The following SGCZ variants were observed in gnomAD, a reference collection of about 807,000 sequenced individuals.
The protein encoded by SGCZ is zeta-sarcoglycan.
SGCZ carries 40 observed loss-of-function variants against 41.3 expected under a neutral mutation model. That is an observed-to-expected ratio of 0.97 (90% CI 0.75 to 1.26). The LOEUF is 1.26. Among genes scored for constraint, SGCZ ranks in the 50% most tolerant of loss-of-function variants. SGCZ has a pLI of 0.00. For missense variants in SGCZ, 552 were observed against 369.8 expected, an observed-to-expected ratio of 1.49 and a Z score of -4.04; for synonymous variants, 206 against 137.5, an observed-to-expected ratio of 1.50 and a Z score of -3.49.
intron 1 of SGCZ, among the ~76,000 whole-genome samples, chr8:14,697,686 C>G (rs1261597890): frequency 6.6e-6 from 1 of 151,828 alleles, no homozygotes; most frequent in Non-Finnish European, 1.5e-5. Context: ...TTCTCATTGC[C>G]AATTATCTTC....
At chr8:15,146,904 GA>G (rs1424588005) in intron 1 of SGCZ, among the ~76,000 whole-genome samples, 1 of 152,040 alleles carries the variant, frequency 6.6e-6, no homozygotes, top group Non-Finnish European at 1.5e-5. Flanking sequence ...CAACTTAAAA[GA>G]AATTCAATTA....
At chr8:14,185,333 G>T (rs974720728) in intron 4 of SGCZ, among the ~76,000 whole-genome samples, 1 of 152,064 alleles carries the variant, frequency 6.6e-6, no homozygotes, top group African/African-American at 2.4e-5. Flanking sequence ...AACCAGGGAG[G>T]CGTAGGTTGC....
chr8:14,337,565 C>A (rs1802547870), intron 2 of SGCZ, among the ~76,000 whole-genome samples: 1 of 152,062 alleles, frequency 6.6e-6, no homozygotes, highest in African/African-American at 2.4e-5. Context: ...CCAGTTAAGT[C>A]AGGTTAAAAT....
At chr8:14,905,265 A>G (rs942567949) in intron 1 of SGCZ, among the ~76,000 whole-genome samples, 7 of 152,094 alleles carry the variant, frequency 4.6e-5, no homozygotes, top group African/African-American at 1.7e-4. Context: ...AAAAATAGAC[A>G]AAAGCTATAA....
At chr8:14,377,845 C>T (rs1007582795) in intron 2 of SGCZ, among the ~76,000 whole-genome samples, 1 of 151,878 alleles carries the variant, frequency 6.6e-6, no homozygotes, top group Non-Finnish European at 1.5e-5. Context: ...CATGTCCCTA[C>T]AAAGGACATG....
At chr8:14,328,875 C>T (rs764368502) in intron 2 of SGCZ, among the ~76,000 whole-genome samples, 7 of 152,170 alleles carry the variant, frequency 4.6e-5, no homozygotes, top group Non-Finnish European at 7.3e-5. Context: ...AAGCTTCACG[C>T]AGTGTTTCGA....
chr8:15,184,754 G>A (rs1800285273), intron 1 of SGCZ, among the ~76,000 whole-genome samples: 1 of 152,138 alleles, frequency 6.6e-6, no homozygotes. Context: ...TTATTAAAGT[G>A]TCAGGCTTTG....
At chr8:14,120,401 T>A (rs1462963435) in intron 5 of SGCZ, among the ~76,000 whole-genome samples, 1 of 152,122 alleles carries the variant, frequency 6.6e-6, no homozygotes, top group Non-Finnish European at 1.5e-5. Context: ...ATAACCTCTA[T>A]CAACATCAAA....
intron 4 of SGCZ, among the ~76,000 whole-genome samples, chr8:14,167,819 C>T (rs530137020): frequency 4.6e-5 from 7 of 152,272 alleles, no homozygotes; most frequent in Non-Finnish European, 7.4e-5. Context: ...TCTTAATCAA[C>T]AGCCAAAGTC....
chr8:14,858,253 A>C lies in SGCZ; in HGVS notation c.40-303327T>G, dbSNP rs918622463. On this transcript the variant is annotated intron_variant, in intron 1 of 7. Coordinates refer to ENST00000382080, the MANE Select transcript of SGCZ (RefSeq NM_139167.4). ...AGAAATTAAGATAAATTATTTAAAT[A>C]TTAATTAATTTGCTTCACAATAATG... Among the ~76,000 whole-genome samples, 8 of 151,984 alleles carry C rather than the reference A, an allele frequency of 5.3e-5. No individual in the cohort carries two copies. The East Asian group carries it at 1.5e-3, about 29-fold the overall frequency.
chr8:14,926,695 C>G (rs1170234421), intron 1 of SGCZ, among the ~76,000 whole-genome samples: 3 of 151,912 alleles, frequency 2.0e-5, no homozygotes, highest in Non-Finnish European at 2.9e-5. Flanking sequence ...GACTGGAGTG[C>G]AGTGGCATGA....
At chr8:15,212,014 G>A (rs570141274) in intron 1 of SGCZ, among the ~76,000 whole-genome samples, 76 of 152,244 alleles carry the variant, frequency 5.0e-4, no homozygotes, top group Non-Finnish European at 9.6e-4. Context: ...AAGGTTTTGA[G>A]TGTCTACATT....
At chr8:14,464,041 T>C (rs1408778383) in intron 2 of SGCZ, among the ~76,000 whole-genome samples, 1 of 151,704 alleles carries the variant, frequency 6.6e-6, no homozygotes, top group East Asian at 1.9e-4. Context: ...TTGTGGAGCT[T>C]TGTATCAATG....
chr8:14,221,751 C>A (rs912620022), intron 4 of SGCZ, among the ~76,000 whole-genome samples: 1 of 152,056 alleles, frequency 6.6e-6, no homozygotes, highest in Admixed American at 6.6e-5. Flanking sequence ...GCCTGGCCAA[C>A]ATGGTGAAAC....
At chr8:14,922,490 T>C (rs989279558) in intron 1 of SGCZ, among the ~76,000 whole-genome samples, 1 of 152,164 alleles carries the variant, frequency 6.6e-6, no homozygotes, top group Non-Finnish European at 1.5e-5. Flanking sequence ...GTTTCGCTCT[T>C]GTTGCCCAGG....
At chr8:14,830,036 G>A (rs1262297761) in intron 1 of SGCZ, among the ~76,000 whole-genome samples, 1 of 151,982 alleles carries the variant, frequency 6.6e-6, no homozygotes, top group East Asian at 1.9e-4. Flanking sequence ...GGTCTCGATC[G>A]CCTGACCTCG....
chr8:14,299,975 C>A (rs922408138), intron 3 of SGCZ, among the ~76,000 whole-genome samples: 7 of 151,760 alleles, frequency 4.6e-5, no homozygotes, highest in Admixed American at 4.6e-4. Flanking sequence ...ATAAAAAATG[C>A]AAGAATATAC....
intron 5 of SGCZ, among the ~76,000 whole-genome samples, chr8:14,147,902 T>C (rs1803577064): frequency 1.3e-5 from 2 of 152,156 alleles, no homozygotes; most frequent in South Asian, 4.1e-4. Flanking sequence ...ATAAGAGGAA[T>C]TTTGCGAACT....
chr8:15,016,900 G>C (rs1324084048), intron 1 of SGCZ, among the ~76,000 whole-genome samples: 1 of 152,020 alleles, frequency 6.6e-6, no homozygotes, highest in Admixed American at 6.6e-5. Context: ...TGATGTGCCA[G>C]GCTCTTTTTA....
Sources: allele counts gnomAD v4.1 joint callset (sites outside exome capture counted in the v4.1 genomes callset), GRCh38; gene constraint gnomAD v4.1.1; transcripts MANE v1.5; gene names NCBI Gene and HGNC (gene_info 2026-07-23, HGNC 2026-07-21).